The following RHOXF1 variants were observed in gnomAD, a reference collection of about 807,000 sequenced individuals.
The protein encoded by RHOXF1 is Rhox homeobox family member 1.
In RHOXF1, 1 loss-of-function variant was observed where a neutral mutation model predicts 9.7. That is an observed-to-expected ratio of 0.10 (90% CI 0.04 to 0.49). The LOEUF (loss-of-function observed/expected upper bound fraction) is 0.49, where lower values mean the gene tolerates loss of function less well. Among genes scored for constraint, RHOXF1 ranks in the 20% least tolerant of loss-of-function variants. RHOXF1 has a pLI of 0.95. For missense variants in RHOXF1, 179 were observed against 168.0 expected, an observed-to-expected ratio of 1.07 and a Z score of -0.36; for synonymous variants, 72 against 70.2, an observed-to-expected ratio of 1.03 and a Z score of -0.13.
At chrX:120,116,569 A>G (rs1817776146), upstream of RHOXF1, 1 of 110,274 alleles carries the variant, frequency 9.1e-6, no homozygotes, top group African/African-American at 3.3e-5. Flanking sequence ...TCATGGCCTG[A>G]CCCTCCATAT....
chrX:120,110,399 G>C (rs964323520), intron 2 of RHOXF1, among the ~76,000 whole-genome samples: 6 of 111,536 alleles, frequency 5.4e-5, no homozygotes, highest in African/African-American at 1.6e-4. Context: ...CCAAATCTTC[G>C]TTCTCCAATC....
intron 1 of RHOXF1, among the ~76,000 whole-genome samples, chrX:120,113,747 A>T (rs1416585825): frequency 1.8e-5 from 2 of 108,568 alleles, no homozygotes; most frequent in Admixed American, 1.9e-4. Flanking sequence ...GGCCTGAGCC[A>T]CCGTGCCTGG....
chrX:120,118,151 A>T (rs1352635411), upstream of RHOXF1, among the ~76,000 whole-genome samples: 1 of 112,098 alleles, frequency 8.9e-6, no homozygotes, highest in African/African-American at 3.2e-5. Context: ...GGAGCTTTGA[A>T]AGTGGGGCTT....
chrX:120,116,929 T>C (rs1556000739), upstream of RHOXF1, among the ~76,000 whole-genome samples: 1 of 111,531 alleles, frequency 9.0e-6, no homozygotes, highest in Admixed American at 9.5e-5. Context: ...GGGGATGGTA[T>C]AGGAAGAGCA....
intron 1 of RHOXF1, among the ~76,000 whole-genome samples, chrX:120,115,164 T>C (rs1233746525): frequency 8.9e-6 from 1 of 112,074 alleles, no homozygotes; most frequent in Non-Finnish European, 1.9e-5. Flanking sequence ...GTGAACATAC[T>C]TAACACAACT....
At chrX:120,116,896 A>T (rs782597026), upstream of RHOXF1, among the ~76,000 whole-genome samples, 33 of 111,831 alleles carry the variant, frequency 3.0e-4, no homozygotes, top group African/African-American at 1.0e-3. Context: ...GGACAAGCAA[A>T]AAATAAATAA....
At chrX:120,114,731 C>A (rs1447220616) in intron 1 of RHOXF1, among the ~76,000 whole-genome samples, 1 of 111,955 alleles carries the variant, frequency 8.9e-6, no homozygotes, top group Non-Finnish European at 1.9e-5. Context: ...AAAAGCAAAT[C>A]GAAACTACAA....
intron 2 of RHOXF1, among the ~76,000 whole-genome samples, chrX:120,109,828 T>C (rs2057257704): frequency 9.0e-6 from 1 of 111,372 alleles, no homozygotes; most frequent in South Asian, 3.7e-4. Context: ...CAAGTGATCT[T>C]CCCACCTTGG....
chrX:120,116,769 G>A (rs1304718945), upstream of RHOXF1, among the ~76,000 whole-genome samples: 1 of 110,992 alleles, frequency 9.0e-6, no homozygotes, highest in Non-Finnish European at 1.9e-5. Context: ...GAAATCTAAC[G>A]CACCCTTTGA....
At chrX:120,119,563 AG>A (rs1302676500), upstream of RHOXF1, 2 of 112,343 alleles carry the variant, frequency 1.8e-5, no homozygotes, top group Non-Finnish European at 3.8e-5. Context: ...GAGTGACTGA[AG>A]GTGAGAAAAC....
At chrX:120,116,921 G>A (rs1301123858), upstream of RHOXF1, among the ~76,000 whole-genome samples, 6 of 111,519 alleles carry the variant, frequency 5.4e-5, no homozygotes, top group African/African-American at 2.0e-4. Context: ...ATAAAATCGG[G>A]GATGGTATAG....
chrX:120,119,754 A>G (rs1403271655), upstream of RHOXF1: 2 of 112,281 alleles, frequency 1.8e-5, no homozygotes, highest in African/African-American at 6.5e-5. Flanking sequence ...CCAGACTCCA[A>G]CAAAAGTCAG....
intron 2 of RHOXF1, among the ~76,000 whole-genome samples, chrX:120,112,343 G>C (rs921853138): frequency 9.4e-6 from 1 of 106,058 alleles, no homozygotes; most frequent in Non-Finnish European, 1.9e-5. Flanking sequence ...AGATACCAGC[G>C]TTAGAAGGAG....
intron 2 of RHOXF1, among the ~76,000 whole-genome samples, 186 bp downstream of exon 2, chrX:120,112,683 C>T (rs906596561): frequency 1.8e-5 from 2 of 110,468 alleles, no homozygotes; most frequent in Non-Finnish European, 1.9e-5. Flanking sequence ...GAACCATAAG[C>T]TGGAGCTTAC....
intron 2 of RHOXF1, among the ~76,000 whole-genome samples, chrX:120,112,276 A>G (rs1555999845): frequency 1.8e-5 from 2 of 109,165 alleles, no homozygotes; most frequent in East Asian, 5.7e-4. Context: ...ATTAACTTGA[A>G]TACTTCTAAG....
Position 120,115,868 on chromosome X carries a change from G to C in RHOXF1, c.-6C>G. 2 of 1,166,452 alleles carry C rather than the reference G, an allele frequency of 1.7e-6. No individual in the cohort carries two copies. Among genetic ancestry groups the C allele is most frequent in the Non-Finnish European group, 2.3e-6 (2 of 878,655 alleles). Reference sequence around the variant, plus strand: ...TGGACGAGCGAACGCGCCATGGCTGGAGCGCTGCGCCCCTGCACAAACTCC... The same window carrying C: ...TGGACGAGCGAACGCGCCATGGCTGCAGCGCTGCGCCCCTGCACAAACTCC... On this transcript the variant is annotated 5_prime_UTR_variant, in exon 1 of 3. Coordinates refer to ENST00000217999, the MANE Select transcript of RHOXF1 (RefSeq NM_139282.3).
chrX:120,118,992 G>C (rs2057307040), upstream of RHOXF1, among the ~76,000 whole-genome samples: 1 of 111,721 alleles, frequency 9.0e-6, no homozygotes, highest in African/African-American at 3.3e-5. Context: ...AACCAACATA[G>C]GCTTATTGAT....
chrX:120,112,394 G>A (rs1344951768), intron 2 of RHOXF1, among the ~76,000 whole-genome samples: 2 of 36,754 alleles, frequency 5.4e-5, no homozygotes, highest in Non-Finnish European at 1.8e-4. Flanking sequence ...ATGTATATAT[G>A]TATGATATAT....
In RHOXF1 at chrX:120,109,110, G is replaced by T. The variant is rs1029659103; in HGVS notation, c.*82C>A. 2 of 534,727 alleles carry T rather than the reference G, an allele frequency of 3.7e-6. No individual in the cohort carries two copies. The highest frequency in any genetic ancestry group is 6.5e-6 in the Non-Finnish European group (2 of 309,275). 44.1% of individuals were successfully genotyped at this position (534,727 alleles called of 1,213,427 possible). A position where few individuals can be genotyped will look rare whatever the true frequency, so the allele number is the denominator to read the frequency against. On this transcript the variant is annotated 3_prime_UTR_variant, in exon 3 of 3. Transcript: ENST00000217999. Reference sequence around the variant, plus strand: ...TGCAGAGGAGATAAGGGTAGCCTGAGCGGCATGGGCAGCCCAGGTGTCAGT... The same window carrying T: ...TGCAGAGGAGATAAGGGTAGCCTGATCGGCATGGGCAGCCCAGGTGTCAGT...
Sources: gnomAD v4.1 joint callset for allele counts (sites outside exome capture counted in the v4.1 genomes callset) on GRCh38, gnomAD v4.1.1 for gene constraint, MANE v1.5 for transcripts, NCBI Gene and HGNC (gene_info 2026-07-23, HGNC 2026-07-21) for gene names.